PCCA: variants seen among roughly 807,000 people sequenced by gnomAD.
The protein encoded by PCCA is propionyl-CoA carboxylase alpha chain, mitochondrial.
In PCCA, 74 loss-of-function variants were observed where a neutral mutation model predicts 101.3. The observed-to-expected ratio is 0.73, with a 90% confidence interval of 0.61 to 0.89. The LOEUF is 0.89. Ranked by LOEUF, PCCA falls within the 40% of genes least tolerant of loss-of-function variation. The pLI, the probability that PCCA is intolerant of heterozygous loss-of-function variation, is 0.00. For synonymous variants in PCCA, 294 were observed against 313.6 expected (o/e 0.94, Z 0.66); for missense variants, 891 against 907.0 (o/e 0.98, Z 0.23).
intron 1 of PCCA, among the ~76,000 whole-genome samples, chr13:100,100,954 C>T (rs1287464941): frequency 6.6e-6 from 1 of 152,082 alleles, no homozygotes; most frequent in African/African-American, 2.4e-5. Context: ...CGGGCATGCA[C>T]CACCATGCCC....
chr13:100,319,976 C>T (rs1268050239), intron 16 of PCCA, among the ~76,000 whole-genome samples: 4 of 152,162 alleles, frequency 2.6e-5, no homozygotes, highest in Non-Finnish European at 4.4e-5. Flanking sequence ...GAATGTTCTT[C>T]CATTTGTTTG....
intron 4 of PCCA, among the ~76,000 whole-genome samples, chr13:100,135,045 T>C (rs978401680): frequency 1.3e-5 from 2 of 151,796 alleles, no homozygotes; most frequent in Admixed American, 6.6e-5. Flanking sequence ...GCCCAGCTTG[T>C]ACTGTTTTGT....
intron 22 of PCCA, among the ~76,000 whole-genome samples, chr13:100,524,374 CGTGTGTGTGTGT>C (rs1210676697): frequency 1.2e-3 from 167 of 139,172 alleles, no homozygotes; most frequent in Middle Eastern, 7.6e-3. Context: ...CAATTAAGCT[CGTGTGTGTGTGT>C]GTGTGTGTGT....
At position 100,209,451 on chromosome 13, in the gene PCCA, T is replaced by C; in HGVS notation, c.588T>C (p.Asp196=). 3.1e-6 allele frequency: 5 copies of C among 1,613,302 alleles called. No homozygotes were observed. The highest frequency in any genetic ancestry group is 4.2e-6 in the Non-Finnish European group (5 of 1,179,258). The change falls in exon 7 of 24, where the codon GAT becomes GAC. Residue 196 remains aspartate, a synonymous_variant. Coordinates refer to ENST00000376285, the MANE Select transcript of PCCA (RefSeq NM_000282.4). ...KAEVNTIPGF[D]GVVKDAEEAV... ...AGGTTAATACAATCCCTGGCTTTGA[T>C]GGAGTAGTCAAGGTGAGAAGCTACT...
rs146193692 is a variant in PCCA at position 100,391,821 on chromosome 13, CATAA to C, written c.1746+23255_1746+23258del. 2.9e-3 allele frequency among the ~76,000 whole-genome samples: 444 copies of C among 152,250 alleles called. 3 individuals carry two copies. Among genetic ancestry groups the C allele is most frequent in the Non-Finnish European group, 4.5e-3 (303 of 68,020 alleles). Reference sequence around the variant, plus strand: ...ATAGAATACATATTTAGATCACTTTCATAAATAAATACATTAACATCATATTTTC... The same window carrying C: ...ATAGAATACATATTTAGATCACTTTCATAAATACATTAACATCATATTTTC... On this transcript the variant is annotated intron_variant, in intron 19 of 23. Transcript: ENST00000376285.
intron 20 of PCCA, among the ~76,000 whole-genome samples, chr13:100,446,044 T>G (rs1476087418): frequency 2.0e-5 from 3 of 152,188 alleles, no homozygotes; most frequent in Non-Finnish European, 4.4e-5. Context: ...TTCTTTTCTT[T>G]TCTTTGTTTT....
At chr13:100,246,004 A>G (rs929804518) in intron 8 of PCCA, among the ~76,000 whole-genome samples, 1 of 152,200 alleles carries the variant, frequency 6.6e-6, no homozygotes, top group Non-Finnish European at 1.5e-5. Context: ...AGAGCTGTGA[A>G]TATTTGTTGG....
chr13:100,340,117 A>C (rs757229005), intron 17 of PCCA, 40 bp from the exon 18 acceptor site: 1 of 1,066,580 alleles, frequency 9.4e-7, no homozygotes, highest in South Asian at 1.2e-5. Context: ...ATGTTAAAAT[A>C]AATGATTGAT....
At chr13:100,509,511 T>G (rs1484376783) in intron 21 of PCCA, among the ~76,000 whole-genome samples, 1 of 152,324 alleles carries the variant, frequency 6.6e-6, no homozygotes, top group East Asian at 1.9e-4. Context: ...TATTAAGAGT[T>G]GTTGAGTGCA....
chr13:100,147,906 CAT>C (rs2052777618), intron 4 of PCCA, among the ~76,000 whole-genome samples: 1 of 151,830 alleles, frequency 6.6e-6, no homozygotes, highest in Non-Finnish European at 1.5e-5. Flanking sequence ...ATCTGTATAA[CAT>C]AAAGTTTACT....
At chr13:100,095,525 G>A (rs2046688403) in intron 1 of PCCA, among the ~76,000 whole-genome samples, 1 of 152,194 alleles carries the variant, frequency 6.6e-6, no homozygotes, top group Non-Finnish European at 1.5e-5. Context: ...GAGTGGTAGT[G>A]GTGCTGAGTT....
chr13:100,402,837 C>A (rs1172753336), intron 19 of PCCA, among the ~76,000 whole-genome samples: 2 of 151,988 alleles, frequency 1.3e-5, no homozygotes, highest in African/African-American at 2.4e-5. Context: ...TTCTGTTAGG[C>A]TGAATTGGCT....
chr13:100,375,967 C>T (rs1379225956), intron 19 of PCCA, among the ~76,000 whole-genome samples: 1 of 152,186 alleles, frequency 6.6e-6, no homozygotes, highest in East Asian at 1.9e-4. Context: ...TTTTCCTCAT[C>T]TTTATGGATT....
intron 1 of PCCA, among the ~76,000 whole-genome samples, chr13:100,091,715 C>T (rs2046296467): frequency 6.6e-6 from 1 of 152,122 alleles, no homozygotes; most frequent in Admixed American, 6.5e-5. Flanking sequence ...TTCTTTTAGC[C>T]AGTCAACAGA....
chr13:100,418,893 G>A (rs949923781), intron 19 of PCCA, among the ~76,000 whole-genome samples: 1 of 151,810 alleles, frequency 6.6e-6, no homozygotes, highest in African/African-American at 2.4e-5. Context: ...CTCTGCAGGT[G>A]GAACTGCTTC....
At chr13:100,363,422 C>G (rs1007354577) in intron 18 of PCCA, among the ~76,000 whole-genome samples, 1 of 151,912 alleles carries the variant, frequency 6.6e-6, no homozygotes, top group Non-Finnish European at 1.5e-5. Context: ...CCTTTGTAGT[C>G]TCCATGTAGC....
chr13:100,214,616 C>A (rs144885058), intron 7 of PCCA, among the ~76,000 whole-genome samples: 1 of 151,814 alleles, frequency 6.6e-6, no homozygotes, highest in Admixed American at 6.6e-5. Context: ...TTAGTAGAGA[C>A]GGGGTTTTAC....
chr13:100,358,158 T>C (rs1366253171), intron 18 of PCCA, among the ~76,000 whole-genome samples: 2 of 152,228 alleles, frequency 1.3e-5, no homozygotes, highest in Admixed American at 1.3e-4. Context: ...TTTTTATTTA[T>C]TGAGAGCAAA....
intron 18 of PCCA, among the ~76,000 whole-genome samples, chr13:100,347,854 ATCACTT>A (rs2072516001): frequency 6.6e-6 from 1 of 152,232 alleles, no homozygotes; most frequent in Non-Finnish European, 1.5e-5. Flanking sequence ...AAAAGGTACT[ATCACTT>A]ATTTAGTATT....
Sources: allele counts gnomAD v4.1 joint callset (sites outside exome capture counted in the v4.1 genomes callset), GRCh38; gene constraint gnomAD v4.1.1; transcripts MANE v1.5; gene names NCBI Gene and HGNC (gene_info 2026-07-23, HGNC 2026-07-21).